AKAP13: variants seen among roughly 807,000 people sequenced by gnomAD.
AKAP13 encodes A-kinase anchoring protein 13, also known as A-kinase anchor protein 13.
In AKAP13, 80 loss-of-function variants were observed where a neutral mutation model predicts 264.5. The ratio of observed to expected loss-of-function variants is 0.30; its 90% CI spans 0.25 to 0.36. AKAP13 has a LOEUF of 0.36. Ranked by LOEUF, AKAP13 falls within the 10% of genes least tolerant of loss-of-function variation. The probability of loss-of-function intolerance (pLI) is 1.00; values close to 1 mark genes in which losing one functional copy is unlikely to be tolerated. For missense variants in AKAP13, 3,712 were observed against 3,435.2 expected, an observed-to-expected ratio of 1.08 and a Z score of -2.01; for synonymous variants, 1,380 against 1,250.2, an observed-to-expected ratio of 1.10 and a Z score of -2.19.
chr15:85,387,402 C>T (rs1169871622), intron 1 of AKAP13, among the ~76,000 whole-genome samples: 1 of 152,166 alleles, frequency 6.6e-6, no homozygotes, highest in Non-Finnish European at 1.5e-5. Flanking sequence ...AGGATAACCA[C>T]TCACTGCAGC....
intron 1 of AKAP13, among the ~76,000 whole-genome samples, chr15:85,437,467 T>G (rs1298591048): frequency 6.6e-6 from 1 of 151,660 alleles, no homozygotes; most frequent in Admixed American, 6.6e-5. Context: ...CTAACTCATT[T>G]TATGAGGCCA....
intron 3 of AKAP13, among the ~76,000 whole-genome samples, chr15:85,526,226 A>G (rs148737158): frequency 3.9e-5 from 6 of 152,268 alleles, no homozygotes; most frequent in Admixed American, 1.3e-4. Context: ...GGTCTGAGTT[A>G]TAATATGTTA....
intron 5 of AKAP13, among the ~76,000 whole-genome samples, chr15:85,572,457 G>A (rs2078850427): frequency 6.6e-6 from 1 of 152,090 alleles, no homozygotes; most frequent in Non-Finnish European, 1.5e-5. Context: ...TCTGTTTGAG[G>A]TCATTTCACT....
chr15:85,553,985 G>A (rs62023891), intron 5 of AKAP13, among the ~76,000 whole-genome samples: 33,118 of 152,084 alleles, frequency 0.22, 4,119 homozygotes, highest in Non-Finnish European at 0.28. Flanking sequence ...ATTGCCTTCC[G>A]TGAAACTGGT....
chr15:85,439,512 C>G (rs1247667087), intron 1 of AKAP13, among the ~76,000 whole-genome samples: 2 of 151,310 alleles, frequency 1.3e-5, no homozygotes, highest in Non-Finnish European at 2.9e-5. Flanking sequence ...TGTAAAGACA[C>G]ATGCACACGT....
At chr15:85,707,625 C>T (rs963017104) in intron 17 of AKAP13, among the ~76,000 whole-genome samples, 2 of 152,274 alleles carry the variant, frequency 1.3e-5, no homozygotes, top group South Asian at 4.2e-4. Flanking sequence ...GTTTTGGTAG[C>T]CTCTCAGCTT....
At chr15:85,458,689 C>T (rs2150994081) in intron 1 of AKAP13, among the ~76,000 whole-genome samples, 1 of 152,234 alleles carries the variant, frequency 6.6e-6, no homozygotes, top group South Asian at 2.1e-4. Context: ...GCAGTTTTTA[C>T]AACTGAAGAT....
intron 17 of AKAP13, among the ~76,000 whole-genome samples, chr15:85,694,095 C>T (rs1285073966): frequency 6.6e-6 from 1 of 152,184 alleles, no homozygotes; most frequent in African/African-American, 2.4e-5. Flanking sequence ...TCCATAACCC[C>T]AAACCCTAAA....
chr15:85,603,926 G>A (rs1443422760), intron 8 of AKAP13, among the ~76,000 whole-genome samples: 2 of 152,134 alleles, frequency 1.3e-5, no homozygotes, highest in Admixed American at 6.5e-5. Flanking sequence ...GAGCTCTGCC[G>A]CCTCCTGCCA....
chr15:85,410,313 G>A (rs1329561126), intron 1 of AKAP13, among the ~76,000 whole-genome samples: 1 of 151,618 alleles, frequency 6.6e-6, no homozygotes, highest in Non-Finnish European at 1.5e-5. Context: ...TCTTGGGGCT[G>A]TCTCCCTACT....
At chr15:85,527,627 G>C (rs1483453955) in intron 3 of AKAP13, among the ~76,000 whole-genome samples, 4 of 152,188 alleles carry the variant, frequency 2.6e-5, no homozygotes, top group Non-Finnish European at 2.9e-5. Flanking sequence ...TGCTCATGGT[G>C]AAATTCCTGT....
chr15:85,540,557 A>G (rs2077550984), intron 4 of AKAP13, among the ~76,000 whole-genome samples: 2 of 152,166 alleles, frequency 1.3e-5, no homozygotes, highest in African/African-American at 2.4e-5. Context: ...TAAAAAAATG[A>G]AGTTGAGTAA....
chr15:85,686,042 C>T (rs11638720), intron 16 of AKAP13, among the ~76,000 whole-genome samples: 28,463 of 152,026 alleles, frequency 0.19, 3,529 homozygotes, highest in Middle Eastern at 0.41. Context: ...AAAAACTTTT[C>T]GCCTCTCACA....
chr15:85,446,411 A>T (rs2073899992), intron 1 of AKAP13, among the ~76,000 whole-genome samples: 1 of 152,108 alleles, frequency 6.6e-6, no homozygotes, highest in African/African-American at 2.4e-5. Context: ...TTGAGGTGAG[A>T]CCGTTAATGA....
At chr15:85,662,348 C>G in intron 12 of AKAP13, 1 of 1,605,872 alleles carries the variant, frequency 6.2e-7, no homozygotes, top group Non-Finnish European at 8.5e-7. Context: ...TTCCTCTTTT[C>G]TCCCTGCATT....
chr15:85,552,260 A>G (rs984228297), intron 5 of AKAP13, among the ~76,000 whole-genome samples: 1 of 152,118 alleles, frequency 6.6e-6, no homozygotes, highest in Non-Finnish European at 1.5e-5. Context: ...AGCATATACA[A>G]CTTGTCCTGG....
intron 18 of AKAP13, among the ~76,000 whole-genome samples, chr15:85,709,562 G>A (rs1300518967): frequency 6.6e-6 from 1 of 152,136 alleles, no homozygotes; most frequent in Non-Finnish European, 1.5e-5. Flanking sequence ...TGTGATCTCT[G>A]ATAAGACTCA....
In AKAP13 at chr15:85,577,716, A is replaced by G. The variant is rs183430868; in HGVS notation, c.862-1214A>G. 8.1e-5 allele frequency: 64 copies of G among 790,994 alleles called. 1 individual carries two copies. In the East Asian group the frequency reaches 5.9e-3, roughly 73 times the overall value. 49.0% of individuals were successfully genotyped at this position (790,994 alleles called of 1,614,324 possible). ...ATATACTCTGACAGTATATAGGTATATGTTCTCATTTATTTTATATTTAAT... is the reference window on the plus strand; with the variant it reads ...ATATACTCTGACAGTATATAGGTATGTGTTCTCATTTATTTTATATTTAAT... On this transcript the variant is annotated intron_variant, in intron 6 of 36. Transcript: ENST00000394518.
Position 85,580,746 on chromosome 15 carries a change from C to T in AKAP13, c.2678C>T (p.Ser893Phe). 12 of 1,614,144 alleles carry T rather than the reference C, an allele frequency of 7.4e-6. No individual in the cohort carries two copies. The highest frequency in any genetic ancestry group is 1.0e-5 in the Non-Finnish European group (12 of 1,180,024). Residue 893 changes from serine to phenylalanine, a missense_variant, in exon 7 of 37, where the codon TCC becomes TTC. This residue lies in a region of AKAP13 where 2,759 missense variants were observed against 2,411.7 expected (regional missense o/e 1.14). Coordinates refer to ENST00000394518, the MANE Select transcript of AKAP13 (RefSeq NM_007200.5). Reference sequence around the variant, plus strand: ...AATATCAAGGGGAACACTGACTCTTCCCTGCAAAGTGTGGGTAAGGCCACT... The same window carrying T: ...AATATCAAGGGGAACACTGACTCTTTCCTGCAAAGTGTGGGTAAGGCCACT... Reference protein sequence around the residue: ...ALNIKGNTDSSLQSVGKATLA... With the variant: ...ALNIKGNTDSFLQSVGKATLA...
Sources: allele counts gnomAD v4.1 joint callset (sites outside exome capture counted in the v4.1 genomes callset), GRCh38; gene constraint gnomAD v4.1.1; regional missense constraint gnomAD v4.1.1; transcripts MANE v1.5; gene names NCBI Gene and HGNC (gene_info 2026-07-23, HGNC 2026-07-21).